DLGAP2: variants seen among roughly 807,000 people sequenced by gnomAD.
The protein encoded by DLGAP2 is DLG associated protein 2, also known as disks large-associated protein 2.
DLGAP2 carries 26 observed loss-of-function variants against 100.3 expected under a neutral mutation model. The observed-to-expected ratio is 0.26, with a 90% CI of 0.19 to 0.36. The LOEUF (loss-of-function observed/expected upper bound fraction) is 0.36. Among genes scored for constraint, DLGAP2 ranks in the 10% least tolerant of loss-of-function variants. The pLI is 1.00. For missense variants in DLGAP2, 1,858 were observed against 1,453.2 expected (o/e 1.28, Z -4.53); for synonymous variants, 886 against 630.1 (o/e 1.41, Z -6.08).
chr8:819,173 G>A (rs936149228), intron 1 of DLGAP2, among the ~76,000 whole-genome samples: 33 of 152,324 alleles, frequency 2.2e-4, no homozygotes, highest in African/African-American at 7.9e-4. Flanking sequence ...CTAGTTCGAT[G>A]TTAAGTATGA....
intron 8 of DLGAP2, among the ~76,000 whole-genome samples, chr8:1,645,792 A>T (rs1264898935): frequency 6.6e-6 from 1 of 152,176 alleles, no homozygotes; most frequent in African/African-American, 2.4e-5. Flanking sequence ...TTTGGACTTA[A>T]ACAAAATTGC....
chr8:1,028,584 G>A (rs1188913359), intron 2 of DLGAP2, among the ~76,000 whole-genome samples: 4 of 152,216 alleles, frequency 2.6e-5, no homozygotes, highest in South Asian at 2.1e-4. Flanking sequence ...TGTGCCAGGC[G>A]TGGCTGCCCT....
At chr8:1,254,876 C>T (rs1338269717) in intron 2 of DLGAP2, among the ~76,000 whole-genome samples, 2 of 150,946 alleles carry the variant, frequency 1.3e-5, no homozygotes, top group Non-Finnish European at 3.0e-5. Flanking sequence ...CTCATCCTGC[C>T]TCTCCTGCCC....
At chr8:1,346,313 G>A (rs548014899) in intron 3 of DLGAP2, among the ~76,000 whole-genome samples, 13 of 151,774 alleles carry the variant, frequency 8.6e-5, no homozygotes, top group Admixed American at 5.9e-4. Context: ...CATGGTAGCT[G>A]TGTGGAGGTT....
At chr8:949,157 G>C (rs1299350369) in intron 2 of DLGAP2, among the ~76,000 whole-genome samples, 1 of 152,250 alleles carries the variant, frequency 6.6e-6, no homozygotes, top group Non-Finnish European at 1.5e-5. Flanking sequence ...GAAGGGATTT[G>C]TGGGTGGAAA....
At position 1,363,369 on chromosome 8, in the gene DLGAP2, C is replaced by T. The variant is rs140357362; in HGVS notation, c.106+104486C>T. Among the ~76,000 whole-genome samples the T allele has an allele frequency of 6.6e-3, 1,012 of 152,254 alleles. 13 individuals carry two copies. The highest frequency in any genetic ancestry group is 0.023 in the African/African-American group (960 of 41,552). ...TCCTGCCTCTGCCTCGCCGGTCCCACGTCCGTGGCACACCTGCGGCTGCCT... is the reference window on the plus strand; with the variant it reads ...TCCTGCCTCTGCCTCGCCGGTCCCATGTCCGTGGCACACCTGCGGCTGCCT... On this transcript the variant is annotated intron_variant, in intron 3 of 14. Coordinates refer to ENST00000637795, the MANE Select transcript of DLGAP2 (RefSeq NM_001346810.2).
chr8:1,083,971 C>T (rs1803891872), intron 2 of DLGAP2, among the ~76,000 whole-genome samples: 2 of 152,088 alleles, frequency 1.3e-5, no homozygotes, highest in African/African-American at 4.8e-5. Context: ...ATAAATTGTG[C>T]CTCAAAATAA....
intron 1 of DLGAP2, among the ~76,000 whole-genome samples, chr8:873,696 T>C (rs1197625462): frequency 6.6e-6 from 1 of 152,210 alleles, no homozygotes; most frequent in African/African-American, 2.4e-5. Context: ...ATAAAATGAA[T>C]TAGGAAGTAC....
At chr8:1,321,970 A>G (rs539910665) in intron 3 of DLGAP2, among the ~76,000 whole-genome samples, 1 of 152,336 alleles carries the variant, frequency 6.6e-6, no homozygotes, top group South Asian at 2.1e-4. Flanking sequence ...TTTAAAATCT[A>G]GCTTAAGCCC....
intron 2 of DLGAP2, among the ~76,000 whole-genome samples, chr8:944,048 C>T (rs542660557): frequency 3.9e-5 from 6 of 152,316 alleles, no homozygotes; most frequent in East Asian, 1.9e-4. Context: ...CTTGTTTTGG[C>T]GTAGAGACCA....
intron 2 of DLGAP2, among the ~76,000 whole-genome samples, chr8:1,007,080 A>G (rs1406696858): frequency 6.6e-6 from 1 of 151,812 alleles, no homozygotes; most frequent in South Asian, 2.1e-4. Context: ...AAGTCTCAGA[A>G]TACGGTCCTT....
At chr8:1,302,181 A>G (rs530635386) in intron 3 of DLGAP2, 1 of 152,130 alleles carries the variant, frequency 6.6e-6, no homozygotes, top group South Asian at 2.1e-4. Flanking sequence ...GCTCTGCTCC[A>G]TACCTGGGAC....
intron 8 of DLGAP2, among the ~76,000 whole-genome samples, chr8:1,657,081 C>G (rs1318754937): frequency 6.6e-6 from 1 of 152,034 alleles, no homozygotes; most frequent in Non-Finnish European, 1.5e-5. Flanking sequence ...GATACTCATG[C>G]TTGGAATAGG....
At chr8:1,003,421 C>G (rs1179621554) in intron 2 of DLGAP2, 2 of 152,248 alleles carry the variant, frequency 1.3e-5, no homozygotes, top group African/African-American at 2.4e-5. Context: ...GTCTTTGTCA[C>G]AGGTCACTAG....
At chr8:755,294 A>G (rs1477520169) in intron 1 of DLGAP2, among the ~76,000 whole-genome samples, 1 of 152,124 alleles carries the variant, frequency 6.6e-6, no homozygotes, top group Non-Finnish European at 1.5e-5. Flanking sequence ...CCTTGTATCT[A>G]CAAAAAATAC....
At chr8:1,020,877 C>T (rs183972955) in intron 2 of DLGAP2, among the ~76,000 whole-genome samples, 26 of 152,340 alleles carry the variant, frequency 1.7e-4, no homozygotes, top group Admixed American at 1.2e-3. Flanking sequence ...CAGCTCAGCA[C>T]AGCTGGGACC....
intron 2 of DLGAP2, among the ~76,000 whole-genome samples, chr8:1,165,004 T>C (rs141411959): frequency 4.6e-5 from 7 of 152,040 alleles, no homozygotes; most frequent in Admixed American, 1.3e-4. Flanking sequence ...GAGACTGTTA[T>C]GAGTTCAGGG....
At chr8:1,324,355 C>T (rs1202655369) in intron 3 of DLGAP2, among the ~76,000 whole-genome samples, 1 of 152,142 alleles carries the variant, frequency 6.6e-6, no homozygotes, top group African/African-American at 2.4e-5. Flanking sequence ...CAACTTAGTC[C>T]TGAGTTTGAC....
chr8:1,103,441 G>GTGATGACTGGCGGGGCCTTGGTTAACGT (rs1804653526), intron 2 of DLGAP2, among the ~76,000 whole-genome samples: 1 of 150,574 alleles, frequency 6.6e-6, no homozygotes, highest in Admixed American at 6.6e-5. Context: ...TTGGTTAACG[G>GTGATGACTGGCGGGGCCTTGGTTAACGT]TGATGACTGG....
Sources: gnomAD v4.1 joint callset for allele counts (sites outside exome capture counted in the v4.1 genomes callset) on GRCh38, gnomAD v4.1.1 for gene constraint, MANE v1.5 for transcripts, NCBI Gene and HGNC (gene_info 2026-07-23, HGNC 2026-07-21) for gene names.